Variants in NMNAT3 observed in about 807,000 individuals in gnomAD.
The protein encoded by NMNAT3 is nicotinamide nucleotide adenylyltransferase 3.
NMNAT3 carries 21 observed loss-of-function variants against 24.8 expected under a neutral mutation model. That is an observed-to-expected ratio of 0.85 (90% CI 0.60 to 1.22). The LOEUF is 1.22. Among genes scored for constraint, NMNAT3 ranks in the 50% most tolerant of loss-of-function variants. The probability of loss-of-function intolerance (pLI) is 0.00; values close to 1 mark genes in which losing one functional copy is unlikely to be tolerated. For missense variants in NMNAT3, 387 were observed against 436.6 expected (o/e 0.89, Z 1.01); for synonymous variants, 136 against 155.2 (o/e 0.88, Z 0.92).
At chr3:139,592,924 T>C (rs1465596183) in intron 3 of NMNAT3, among the ~76,000 whole-genome samples, 1 of 152,050 alleles carries the variant, frequency 6.6e-6, no homozygotes, top group African/African-American at 2.4e-5. Context: ...ACGAGCAAAA[T>C]AACCAGCTAA....
intron 3 of NMNAT3, among the ~76,000 whole-genome samples, chr3:139,588,597 C>T (rs960847020): frequency 3.9e-5 from 6 of 151,984 alleles, no homozygotes; most frequent in Admixed American, 3.3e-4. Flanking sequence ...CAGAGTGGCT[C>T]AGGAATCGGA....
At chr3:139,610,521 T>C (rs1346891302) in intron 3 of NMNAT3, among the ~76,000 whole-genome samples, 2 of 152,244 alleles carry the variant, frequency 1.3e-5, no homozygotes, top group Non-Finnish European at 2.9e-5. Context: ...AGAAAAATCT[T>C]TTAAGTTAGA....
At chr3:139,590,785 C>A (rs1200633376) in intron 3 of NMNAT3, among the ~76,000 whole-genome samples, 3 of 151,988 alleles carry the variant, frequency 2.0e-5, no homozygotes, top group African/African-American at 4.8e-5. Context: ...TATTATAGTT[C>A]ATTTTGTATT....
Position 139,596,294 on chromosome 3 carries a change from T to C in NMNAT3, c.110-13086A>G, listed in dbSNP as rs539316756. 5.3e-5 allele frequency among the ~76,000 whole-genome samples: 8 copies of C among 152,306 alleles called. No homozygotes were observed. In the South Asian group the frequency reaches 1.7e-3, roughly 32 times the overall value. Reference sequence around the variant, plus strand: ...ATTTTTTTCTCTACCCCTGGAAATATACTGCCTGTGTAGTTCCAGGAGGTA... The same window carrying C: ...ATTTTTTTCTCTACCCCTGGAAATACACTGCCTGTGTAGTTCCAGGAGGTA... On this transcript the variant is annotated intron_variant, in intron 3 of 6. Transcript: ENST00000643695.
At chr3:139,575,130 T>C (rs1207520919) in intron 5 of NMNAT3, among the ~76,000 whole-genome samples, 6 of 152,212 alleles carry the variant, frequency 3.9e-5, no homozygotes, top group African/African-American at 1.4e-4. Flanking sequence ...GGAATTCATC[T>C]TTATATTCCT....
intron 1 of NMNAT3, among the ~76,000 whole-genome samples, chr3:139,641,793 T>C (rs2056712339): frequency 6.6e-6 from 1 of 152,220 alleles, no homozygotes; most frequent in East Asian, 1.9e-4. Context: ...AAGTGTGATA[T>C]AGCCCAGGAG....
At chr3:139,637,428 A>G (rs1042181523) in intron 2 of NMNAT3, 1 of 152,206 alleles carries the variant, frequency 6.6e-6, no homozygotes, top group Non-Finnish European at 1.5e-5. Context: ...CCACACAACT[A>G]TAGTGAGCTA....
At chr3:139,614,541 G>C (rs562301035) in intron 3 of NMNAT3, among the ~76,000 whole-genome samples, 4 of 152,320 alleles carry the variant, frequency 2.6e-5, no homozygotes, top group African/African-American at 9.6e-5. Context: ...TCATGACACT[G>C]ACATTTTGTA....
At chr3:139,613,038 A>G (rs1300781262) in intron 3 of NMNAT3, among the ~76,000 whole-genome samples, 1 of 152,240 alleles carries the variant, frequency 6.6e-6, no homozygotes, top group East Asian at 1.9e-4. Flanking sequence ...ACCCTAGAAG[A>G]AAACCTAGGC....
chr3:139,571,823 G>T (rs376536291), intron 6 of NMNAT3, among the ~76,000 whole-genome samples: 13 of 152,140 alleles, frequency 8.5e-5, no homozygotes, highest in East Asian at 3.9e-4. Flanking sequence ...GCTGAGACAG[G>T]GATTCTGGAA....
intron 2 of NMNAT3, among the ~76,000 whole-genome samples, chr3:139,628,179 A>G (rs947442118): frequency 2.0e-5 from 3 of 152,226 alleles, no homozygotes; most frequent in Non-Finnish European, 2.9e-5. Flanking sequence ...AGATCTCACA[A>G]GGTCCTAGAG....
At chr3:139,603,712 A>T (rs1194736130) in intron 3 of NMNAT3, among the ~76,000 whole-genome samples, 1 of 151,990 alleles carries the variant, frequency 6.6e-6, no homozygotes. Context: ...AATAATCACT[A>T]ACAGCATTAC....
chr3:139,564,198 GAA>G (rs1252317614), intron 6 of NMNAT3, among the ~76,000 whole-genome samples: 5 of 152,190 alleles, frequency 3.3e-5, no homozygotes, highest in African/African-American at 1.2e-4. Context: ...GTGATGGAGA[GAA>G]TGCAATGTAA....
intron 1 of NMNAT3, among the ~76,000 whole-genome samples, chr3:139,660,291 A>G (rs1374028949): frequency 6.6e-6 from 1 of 152,090 alleles, no homozygotes; most frequent in African/African-American, 2.4e-5. Context: ...CAGAAAATTG[A>G]GTGTTCACTA....
At chr3:139,672,757 G>A (rs941610421) in intron 1 of NMNAT3, 1 of 152,254 alleles carries the variant, frequency 6.6e-6, no homozygotes, top group Non-Finnish European at 1.5e-5. Flanking sequence ...TCTGGCCAAA[G>A]TAACTCTCTA....
At chr3:139,579,489 G>A (rs933635395) in intron 4 of NMNAT3, among the ~76,000 whole-genome samples, 13 of 152,190 alleles carry the variant, frequency 8.5e-5, no homozygotes, top group African/African-American at 2.7e-4. Flanking sequence ...GGGATTTTGA[G>A]GATGAAGGAC....
At chr3:139,659,179 C>T (rs2057338070) in intron 1 of NMNAT3, among the ~76,000 whole-genome samples, 2 of 152,206 alleles carry the variant, frequency 1.3e-5, no homozygotes, top group Admixed American at 6.5e-5. Flanking sequence ...TGATGAAGCA[C>T]CTTTTTTGTG....
intron 6 of NMNAT3, among the ~76,000 whole-genome samples, chr3:139,563,164 A>G (rs1414819298): frequency 2.0e-5 from 3 of 152,310 alleles, no homozygotes; most frequent in Admixed American, 6.5e-5. Context: ...GCATTTAACA[A>G]TTATTCAGTA....
At chr3:139,585,333 A>G (rs955246653) in intron 3 of NMNAT3, among the ~76,000 whole-genome samples, 2 of 152,152 alleles carry the variant, frequency 1.3e-5, no homozygotes, top group African/African-American at 2.4e-5. Context: ...TTTTGGTCAT[A>G]ATTTCTAGAA....
Sources: allele counts gnomAD v4.1 joint callset (sites outside exome capture counted in the v4.1 genomes callset), GRCh38; gene constraint gnomAD v4.1.1; transcripts MANE v1.5; gene names NCBI Gene and HGNC (gene_info 2026-07-23, HGNC 2026-07-21).